PLXNC1: variants seen among roughly 807,000 people sequenced by gnomAD.
PLXNC1 encodes plexin C1, also known as plexin-C1.
In PLXNC1, 75 loss-of-function variants were observed where a neutral mutation model predicts 178.2. That is an observed-to-expected ratio of 0.42 (90% confidence interval 0.35 to 0.51). PLXNC1 has a LOEUF of 0.51. PLXNC1 is among the 20% of genes least tolerant of loss of function. PLXNC1 has a pLI of 0.02. For missense variants in PLXNC1, 1,503 were observed against 1,984.4 expected, an observed-to-expected ratio of 0.76 and a Z score of 4.61; for synonymous variants, 790 against 779.9, an observed-to-expected ratio of 1.01 and a Z score of -0.22.
In PLXNC1 at chr12:94,248,640, A is replaced by G. The variant is rs114072496; in HGVS notation, c.2778+228A>G. Among the ~76,000 whole-genome samples the G allele has an allele frequency of 3.6e-3, 549 of 152,358 alleles. 7 individuals are homozygous for G. Among genetic ancestry groups the G allele is most frequent in the African/African-American group, 0.012 (513 of 41,576 alleles). The stretch of plus-strand genomic sequence containing the variant: ...CAAAGCGTTGGACACACCATTGTCT[A>G]TAATCCTAATGAGTCTTGATAGCTT... On this transcript the variant is annotated intron_variant, in intron 14 of 30. Transcript: ENST00000258526.
At chr12:94,269,192 C>T (rs1965429099) in intron 21 of PLXNC1, among the ~76,000 whole-genome samples, 1 of 152,200 alleles carries the variant, frequency 6.6e-6, no homozygotes. Context: ...AGAAAACGAG[C>T]TTGCCAATCT....
At chr12:94,225,693 C>T (rs1002389732) in intron 7 of PLXNC1, among the ~76,000 whole-genome samples, 1 of 152,150 alleles carries the variant, frequency 6.6e-6, no homozygotes, top group African/African-American at 2.4e-5. Flanking sequence ...ACCTAGGTCC[C>T]CCAGGGAGGG....
intron 1 of PLXNC1, among the ~76,000 whole-genome samples, chr12:94,165,909 G>A (rs2135935887): frequency 6.6e-6 from 1 of 152,104 alleles, no homozygotes; most frequent in East Asian, 1.9e-4. Flanking sequence ...GGGCAAACGG[G>A]TTCTCCTCAA....
chr12:94,189,783 C>T (rs1448940938), intron 4 of PLXNC1, among the ~76,000 whole-genome samples: 1 of 152,004 alleles, frequency 6.6e-6, no homozygotes, highest in African/African-American at 2.4e-5. Context: ...TTGGCAATGA[C>T]AGGGTCTGCC....
chr12:94,290,964 T>C (rs1415743212), intron 23 of PLXNC1, among the ~76,000 whole-genome samples: 1 of 152,202 alleles, frequency 6.6e-6, no homozygotes, highest in Non-Finnish European at 1.5e-5. Flanking sequence ...ATTTTGTGAA[T>C]GAGCCCCTCC....
chr12:94,227,130 G>C lies in PLXNC1; in HGVS notation c.1894-19G>C. ...ATTTACCACCCATCTGGATGTTGAA[G>C]GGATGTTCTCCATTCCAGGAACAGT... On this transcript the variant is annotated intron_variant, in intron 8 of 30. Transcript: ENST00000258526. The C allele has an allele frequency of 6.6e-7, 1 of 1,507,562 alleles. No individual in the cohort carries two copies. The highest frequency in any genetic ancestry group is 1.1e-5 in the South Asian group (1 of 88,908). The allele number at this position is 1,507,562 out of a possible 1,614,324, so 93.4% of individuals were successfully genotyped here. A position where few individuals can be genotyped will look rare whatever the true frequency, so the allele number is the denominator to read the frequency against.
rs771922354 is a variant in PLXNC1 at position 94,282,371 on chromosome 12, C to T, written c.3849C>T (p.Ile1283=). 4 of 1,613,472 alleles carry T rather than the reference C, an allele frequency of 2.5e-6. No individual in the cohort carries two copies. The African/African-American group carries it at 5.3e-5, about 22-fold the overall frequency. Residue 1283 remains isoleucine (I), a synonymous_variant, in exon 23 of 31, where the codon ATC becomes ATT. Transcript: ENST00000258526. ...DSSSVILEDG[I]TKLNTIGHYE... is the part of the protein sequence containing the mutation. Reference sequence around the variant, plus strand: ...CCTCCGTGATTCTTGAAGATGGAATCACCAAGCTAAACACCATTGGCCACT... The same window carrying T: ...CCTCCGTGATTCTTGAAGATGGAATTACCAAGCTAAACACCATTGGCCACT...
intron 23 of PLXNC1, among the ~76,000 whole-genome samples, chr12:94,285,469 CTG>C (rs756053735): frequency 4.6e-5 from 7 of 152,172 alleles, no homozygotes; most frequent in Non-Finnish European, 8.8e-5. Flanking sequence ...GCAGAGAAAG[CTG>C]CAGGCTAGCA....
intron 23 of PLXNC1, among the ~76,000 whole-genome samples, chr12:94,293,042 CTGTT>C (rs1392870891): frequency 1.3e-5 from 2 of 152,232 alleles, no homozygotes; most frequent in East Asian, 1.9e-4. Context: ...ATAGTTTTGA[CTGTT>C]TGGGCTTTTT....
chr12:94,193,803 C>G (rs1432636442), intron 4 of PLXNC1, among the ~76,000 whole-genome samples: 1 of 152,026 alleles, frequency 6.6e-6, no homozygotes, highest in Non-Finnish European at 1.5e-5. Context: ...ACAGAGGTGT[C>G]GGTTACTGAG....
intron 2 of PLXNC1, among the ~76,000 whole-genome samples, chr12:94,174,974 C>G (rs544512318): frequency 6.6e-6 from 1 of 152,230 alleles, no homozygotes; most frequent in African/African-American, 2.4e-5. Flanking sequence ...TCTCTTACTA[C>G]CTACACTGCA....
intron 2 of PLXNC1, among the ~76,000 whole-genome samples, chr12:94,170,189 T>A (rs1961789608): frequency 1.3e-5 from 2 of 152,208 alleles, no homozygotes; most frequent in African/African-American, 4.8e-5. Context: ...CACAGATAAC[T>A]CGCTGTGTGA....
chr12:94,187,988 G>A (rs1962583756), intron 4 of PLXNC1, among the ~76,000 whole-genome samples: 3 of 152,056 alleles, frequency 2.0e-5, no homozygotes, highest in Admixed American at 2.0e-4. Flanking sequence ...CAAGAAATAA[G>A]GAGGGAGCAG....
Position 94,294,523 on chromosome 12 carries a change from T to C in PLXNC1, c.3917T>C (p.Ile1306Thr), listed in dbSNP as rs1195569840. The part of the protein sequence containing the change: ...NGSTIKVFKK[I>T]ANFTSDVEYS... ...TCCACTATAAAAGTCTTTAAGAAGA[T>C]AGCAAATTTTACTTCAGGTAACCAA... Residue 1306 changes from isoleucine (I) to threonine (T), a missense_variant, in exon 24 of 31, where the codon ATA becomes ACA. Ile to Thr is a moderately conservative substitution (Grantham distance 89, BLOSUM62 -1). Coordinates refer to ENST00000258526, the MANE Select transcript of PLXNC1 (RefSeq NM_005761.3). 3.1e-6 allele frequency: 4 copies of C among 1,302,160 alleles called. No individual in the cohort carries two copies. The highest frequency in any genetic ancestry group is 2.4e-5 in the East Asian group (1 of 42,426). 80.7% of individuals were successfully genotyped at this position (1,302,160 alleles called of 1,614,324 possible). A position where few individuals can be genotyped will look rare whatever the true frequency, so the allele number is the denominator to read the frequency against.
At chr12:94,206,782 G>C (rs1963314307) in intron 4 of PLXNC1, among the ~76,000 whole-genome samples, 1 of 152,078 alleles carries the variant, frequency 6.6e-6, no homozygotes, top group Admixed American at 6.5e-5. Context: ...CCTATTCTTG[G>C]CCTGAAGAAA....
intron 8 of PLXNC1, 102 bp from the exon 9 acceptor site, chr12:94,227,047 A>G: frequency 1.2e-6 from 1 of 842,868 alleles, no homozygotes; most frequent in Non-Finnish European, 2.0e-6. Context: ...TTAACCAAAA[A>G]TAAATGTTTG....
intron 10 of PLXNC1, among the ~76,000 whole-genome samples, chr12:94,238,083 TTCAGTAACAAAA>T (rs1964288913): frequency 1.3e-5 from 2 of 152,216 alleles, no homozygotes; most frequent in African/African-American, 4.8e-5. Flanking sequence ...TTGATTCATT[TTCAGTAACAAAA>T]TCAAGTATAT....
At chr12:94,290,499 G>T (rs1448637069) in intron 23 of PLXNC1, among the ~76,000 whole-genome samples, 1 of 152,092 alleles carries the variant, frequency 6.6e-6, no homozygotes, top group African/African-American at 2.4e-5. Context: ...GGCCCCAGCC[G>T]GCCCCTGCCC....
chr12:94,295,673 A>G (rs1967843044), intron 24 of PLXNC1, among the ~76,000 whole-genome samples: 1 of 152,104 alleles, frequency 6.6e-6, no homozygotes, highest in African/African-American at 2.4e-5. Flanking sequence ...CCCAACGATT[A>G]TCCTTTCCTG....
Sources: gnomAD v4.1 joint callset for allele counts (sites outside exome capture counted in the v4.1 genomes callset) on GRCh38, gnomAD v4.1.1 for gene constraint, MANE v1.5 for transcripts, NCBI Gene and HGNC (gene_info 2026-07-23, HGNC 2026-07-21) for gene names.